Variants in MICAL3 observed in about 807,000 individuals in gnomAD.
The protein encoded by MICAL3 is microtubule associated monooxygenase, calponin and LIM domain containing 3.
MICAL3 carries 62 observed loss-of-function variants against 207.4 expected under a neutral mutation model. That is an observed-to-expected ratio of 0.30 (90% CI 0.24 to 0.37). The LOEUF is 0.37. Among genes scored for constraint, MICAL3 ranks in the 10% least tolerant of loss-of-function variants. MICAL3 has a pLI of 1.00. For missense variants in MICAL3, 2,368 were observed against 2,635.6 expected, an observed-to-expected ratio of 0.90 and a Z score of 2.22; for synonymous variants, 1,077 against 1,069.3, an observed-to-expected ratio of 1.01 and a Z score of -0.14.
chr22:17,992,477 T>A (rs191573308), intron 1 of MICAL3, among the ~76,000 whole-genome samples: 14 of 152,204 alleles, frequency 9.2e-5, no homozygotes, highest in African/African-American at 3.4e-4. Flanking sequence ...TGACAATGCA[T>A]CCAACCCCTT....
intron 20 of MICAL3, among the ~76,000 whole-genome samples, chr22:17,837,427 T>A (rs902309144): frequency 1.3e-5 from 2 of 152,246 alleles, no homozygotes; most frequent in African/African-American, 4.8e-5. Flanking sequence ...CCCTCCTGAC[T>A]TCTCTCTAGA....
intron 1 of MICAL3, among the ~76,000 whole-genome samples, chr22:17,907,553 C>T (rs957569084): frequency 2.6e-5 from 4 of 152,136 alleles, no homozygotes; most frequent in Non-Finnish European, 5.9e-5. Context: ...TGGCTGGGGA[C>T]GCAGATCCAG....
chr22:18,014,733 C>A (rs1923945845), intron 1 of MICAL3, among the ~76,000 whole-genome samples: 1 of 152,142 alleles, frequency 6.6e-6, no homozygotes, highest in Non-Finnish European at 1.5e-5. Flanking sequence ...GTGGCTCATG[C>A]CTGTAATCCC....
intron 1 of MICAL3, among the ~76,000 whole-genome samples, chr22:17,923,807 C>A (rs542336691): frequency 1.3e-5 from 2 of 152,350 alleles, no homozygotes; most frequent in African/African-American, 2.4e-5. Flanking sequence ...GTGGCTTACA[C>A]AAGTCTAACT....
chr22:17,896,436 A>T (rs1216036258), intron 8 of MICAL3, 75 bp from the exon 9 acceptor site: 1 of 975,130 alleles, frequency 1.0e-6, no homozygotes. Context: ...CTAAGGAACA[A>T]AGAGTTTGCT....
chr22:17,964,790 GA>G (rs67914360), intron 1 of MICAL3, among the ~76,000 whole-genome samples: 12,676 of 152,230 alleles, frequency 0.083, 813 homozygotes, highest in African/African-American at 0.18. Flanking sequence ...CAATGATTTT[GA>G]GTTTTGTTTT....
At chr22:17,935,849 A>G (rs1445185880) in intron 1 of MICAL3, among the ~76,000 whole-genome samples, 1 of 152,246 alleles carries the variant, frequency 6.6e-6, no homozygotes, top group East Asian at 1.9e-4. Flanking sequence ...TGGTCATCAG[A>G]GAAATGCAAA....
chr22:17,992,422 A>G (rs1383354704), intron 1 of MICAL3, among the ~76,000 whole-genome samples: 2 of 152,252 alleles, frequency 1.3e-5, no homozygotes, highest in African/African-American at 4.8e-5. Flanking sequence ...CTCTACGTCC[A>G]GGGCTTCCTG....
intron 1 of MICAL3, among the ~76,000 whole-genome samples, chr22:17,936,992 G>A (rs1237618916): frequency 6.6e-6 from 1 of 152,172 alleles, no homozygotes; most frequent in Non-Finnish European, 1.5e-5. Context: ...CACTACGTAT[G>A]TAGGTAGCAC....
intron 17 of MICAL3, among the ~76,000 whole-genome samples, chr22:17,866,620 G>GAATAGAATAC (rs1927158111): frequency 7.4e-6 from 1 of 135,838 alleles, no homozygotes; most frequent in Admixed American, 7.1e-5. Flanking sequence ...GAACAGAATA[G>GAATAGAATAC]AATAGAATAG....
chr22:17,983,098 T>C (rs532131900), intron 1 of MICAL3: 1 of 152,404 alleles, frequency 6.6e-6, no homozygotes, highest in East Asian at 1.9e-4. Context: ...TTTCTTTTTT[T>C]AGAGAAGGGG....
intron 16 of MICAL3, chr22:17,879,335 T>G: frequency 6.2e-7 from 1 of 1,604,716 alleles, no homozygotes; most frequent in South Asian, 1.1e-5. Flanking sequence ...CACGGGTTCA[T>G]GCTCTTTTAC....
rs141211190 is a variant in MICAL3 at position 17,987,771 on chromosome 22, G to A, written c.-75+36510C>T. Among the ~76,000 whole-genome samples the A allele has an allele frequency of 5.2e-3, 786 of 151,582 alleles. 24 individuals carry two copies. The highest frequency in any genetic ancestry group is 0.042 in the Admixed American group (631 of 15,126). On this transcript the variant is annotated intron_variant, in intron 1 of 31. Transcript: ENST00000441493. ...CCACACTGAATTATTTAGGGTAAAG[G>A]GGCACAATGTCTTCAATTTTCAAAT...
intron 29 of MICAL3, among the ~76,000 whole-genome samples, chr22:17,808,424 C>T (rs1416515766): frequency 6.6e-6 from 1 of 151,140 alleles, no homozygotes; most frequent in Non-Finnish European, 1.5e-5. Context: ...AGGAGGGTCC[C>T]AGGGAACTAA....
rs752163788 is a variant in MICAL3, at chr22:17,822,107, T to G, written c.3371A>C (p.Glu1124Ala). ...DRELRLPCPA[E>A]GEAELELRVS... Reference sequence around the variant, plus strand: ...CCTCAGCTCCAGCTCTGCTTCCCCCTCAGCTGGGCACGGCAAACGCAGCTC... The same window carrying G: ...CCTCAGCTCCAGCTCTGCTTCCCCCGCAGCTGGGCACGGCAAACGCAGCTC... Residue 1124 changes from glutamate (E) to alanine (A), a missense_variant, in exon 24 of 32, where the codon GAG becomes GCG. Transcript: ENST00000441493. The G allele has an allele frequency of 7.4e-6, 12 of 1,613,780 alleles. No individual in the cohort carries two copies. In the East Asian group the frequency reaches 2.7e-4, roughly 36 times the overall value.
intron 16 of MICAL3, among the ~76,000 whole-genome samples, chr22:17,874,033 C>T (rs138681816): frequency 1.6e-3 from 237 of 152,346 alleles, no homozygotes; most frequent in Middle Eastern, 0.01. Flanking sequence ...ACACATAAGG[C>T]CTCGTGTGAG....
At chr22:17,876,883 G>C (rs867493111) in intron 16 of MICAL3, 54 of 122,022 alleles carry the variant, frequency 4.4e-4, no homozygotes, top group African/African-American at 1.8e-3. Flanking sequence ...AGGGAGGTTA[G>C]GGAGGTTATG....
At chr22:17,827,256 T>TC (rs1346843612) in intron 22 of MICAL3, among the ~76,000 whole-genome samples, 39 of 151,890 alleles carry the variant, frequency 2.6e-4, no homozygotes, top group African/African-American at 9.4e-4. Context: ...AACATGCCCC[T>TC]CCCGCCCCCT....
At chr22:17,843,821 G>A (rs922773766) in intron 19 of MICAL3, among the ~76,000 whole-genome samples, 1 of 152,072 alleles carries the variant, frequency 6.6e-6, no homozygotes, top group African/African-American at 2.4e-5. Context: ...GAGGCACAGT[G>A]CCATGTGGTA....
Sources: allele counts gnomAD v4.1 joint callset (sites outside exome capture counted in the v4.1 genomes callset), GRCh38; gene constraint gnomAD v4.1.1; transcripts MANE v1.5; gene names NCBI Gene and HGNC (gene_info 2026-07-23, HGNC 2026-07-21).